Variants in EXOC4 observed in about 807,000 individuals in gnomAD.
EXOC4 encodes SEC8-like 1.
In EXOC4, 71 loss-of-function variants were observed where a neutral mutation model predicts 107.2. The ratio of observed to expected loss-of-function variants is 0.66; its 90% CI spans 0.55 to 0.81. EXOC4 has a LOEUF of 0.81. EXOC4 is among the 30% of genes least tolerant of loss of function. The pLI is 0.00. For synonymous variants in EXOC4, 456 were observed against 441.2 expected, an observed-to-expected ratio of 1.03 and a Z score of -0.42; for missense variants, 1,108 against 1,189.6, an observed-to-expected ratio of 0.93 and a Z score of 1.01.
At chr7:133,309,713 G>A (rs1283772623) in intron 4 of EXOC4, among the ~76,000 whole-genome samples, 1 of 152,222 alleles carries the variant, frequency 6.6e-6, no homozygotes, top group Non-Finnish European at 1.5e-5. Context: ...GCCGAGGTGG[G>A]AGGATCATTT....
At chr7:133,887,834 T>C (rs1157962425) in intron 11 of EXOC4, among the ~76,000 whole-genome samples, 5 of 152,208 alleles carry the variant, frequency 3.3e-5, no homozygotes, top group Non-Finnish European at 5.9e-5. Context: ...TCCTGTGTTC[T>C]GAATCAGGAT....
chr7:133,931,626 TTA>T (rs1800177612), intron 13 of EXOC4, among the ~76,000 whole-genome samples: 1 of 152,192 alleles, frequency 6.6e-6, no homozygotes. Context: ...CTCATACACG[TTA>T]TATAGAGCTG....
intron 14 of EXOC4, among the ~76,000 whole-genome samples, chr7:133,991,786 T>C (rs939175182): frequency 2.0e-5 from 3 of 152,168 alleles, no homozygotes; most frequent in Non-Finnish European, 4.4e-5. Context: ...ATTTCTGGGT[T>C]CTCTATTCTG....
At chr7:134,031,309 A>G (rs1054376295) in intron 17 of EXOC4, among the ~76,000 whole-genome samples, 1 of 152,240 alleles carries the variant, frequency 6.6e-6, no homozygotes, top group African/African-American at 2.4e-5. Flanking sequence ...GAAGAAGAAA[A>G]TAAGAGCAAA....
intron 9 of EXOC4, among the ~76,000 whole-genome samples, chr7:133,617,744 C>T (rs1802228935): frequency 6.6e-6 from 1 of 152,092 alleles, no homozygotes; most frequent in Admixed American, 6.6e-5. Context: ...TTGACACAGG[C>T]TGAGGGGAGA....
intron 17 of EXOC4, among the ~76,000 whole-genome samples, chr7:134,050,495 T>G (rs1227554873): frequency 6.9e-6 from 1 of 144,378 alleles, no homozygotes; most frequent in Non-Finnish European, 1.5e-5. Context: ...AGAGTTTTTT[T>G]TTAAAAAAGA....
chr7:133,878,784 C>G (rs113546677), intron 11 of EXOC4, among the ~76,000 whole-genome samples: 1 of 151,948 alleles, frequency 6.6e-6, no homozygotes, highest in Non-Finnish European at 1.5e-5. Flanking sequence ...AGTGCAGTGG[C>G]GCGATCTTGG....
chr7:133,274,851 C>A, intron 1 of EXOC4, 131 bp from the exon 2 acceptor site: 1 of 718,530 alleles, frequency 1.4e-6, no homozygotes, highest in Non-Finnish European at 2.1e-6. Context: ...CTGTTTGTAA[C>A]TTATTTCATT....
chr7:133,679,538 G>GTCCATCCA (rs200481678), intron 10 of EXOC4, among the ~76,000 whole-genome samples: 43,609 of 142,760 alleles, frequency 0.31, 6,941 homozygotes, highest in Middle Eastern at 0.35. Context: ...CCATCCGTCC[G>GTCCATCCA]TCCGTCCATC....
At chr7:133,604,706 C>CCTTCTTTTTTTTTTTT (rs1191856891) in intron 9 of EXOC4, among the ~76,000 whole-genome samples, 1 of 87,556 alleles carries the variant, frequency 1.1e-5, no homozygotes, top group African/African-American at 4.4e-5. Context: ...TTCCTTCCTT[C>CCTTCTTTTTTTTTTTT]TTTCTTTTTT....
At chr7:133,319,838 C>CTT (rs35274622) in intron 5 of EXOC4, among the ~76,000 whole-genome samples, 1,345 of 94,576 alleles carry the variant, frequency 0.014, 23 homozygotes, top group African/African-American at 0.035. Flanking sequence ...TGATCGTGTG[C>CTT]TTTTTTTTTT....
At chr7:133,501,840 C>T (rs1023030883) in intron 9 of EXOC4, among the ~76,000 whole-genome samples, 1 of 152,154 alleles carries the variant, frequency 6.6e-6, no homozygotes, top group African/African-American at 2.4e-5. Flanking sequence ...AGTATTAATG[C>T]AATCATCTAG....
intron 11 of EXOC4, among the ~76,000 whole-genome samples, chr7:133,876,795 T>G (rs993984930): frequency 1.3e-5 from 2 of 152,090 alleles, no homozygotes; most frequent in African/African-American, 4.8e-5. Flanking sequence ...CTTTCAAATC[T>G]CATTTCTTTC....
chr7:133,765,323 A>G (rs1337147354), intron 10 of EXOC4, among the ~76,000 whole-genome samples: 2 of 152,070 alleles, frequency 1.3e-5, no homozygotes, highest in Non-Finnish European at 2.9e-5. Context: ...CTGGTTTAGA[A>G]TAACATGTAT....
At chr7:133,636,134 C>G (rs1802704151) in intron 10 of EXOC4, among the ~76,000 whole-genome samples, 1 of 151,998 alleles carries the variant, frequency 6.6e-6, no homozygotes, top group Non-Finnish European at 1.5e-5. Flanking sequence ...CCTTTGTTTC[C>G]CTTATCTGTA....
intron 2 of EXOC4, among the ~76,000 whole-genome samples, chr7:133,282,897 GA>G (rs777770770): frequency 7.9e-5 from 12 of 152,142 alleles, no homozygotes; most frequent in Non-Finnish European, 1.5e-4. Context: ...TTGTCTAACT[GA>G]AGTATTGTAT....
intron 10 of EXOC4, among the ~76,000 whole-genome samples, chr7:133,791,073 T>G (rs1796693859): frequency 6.6e-6 from 1 of 152,172 alleles, no homozygotes; most frequent in East Asian, 1.9e-4. Flanking sequence ...CCATTTTTAT[T>G]ACAGCTGGAT....
At chr7:133,648,539 C>T (rs17167199) in intron 10 of EXOC4, among the ~76,000 whole-genome samples, 64,534 of 151,910 alleles carry the variant, frequency 0.42, 14,654 homozygotes, top group Admixed American at 0.56. Context: ...CCCCAATGTA[C>T]GATATATTCC....
intron 4 of EXOC4, among the ~76,000 whole-genome samples, chr7:133,306,966 CAT>C (rs1361771913): frequency 6.6e-6 from 1 of 152,072 alleles, no homozygotes; most frequent in Non-Finnish European, 1.5e-5. Context: ...GAATTTTTAA[CAT>C]ATGTTAGATA....
Sources: gnomAD v4.1 joint callset for allele counts (sites outside exome capture counted in the v4.1 genomes callset) on GRCh38, gnomAD v4.1.1 for gene constraint, MANE v1.5 for transcripts, NCBI Gene and HGNC (gene_info 2026-07-23, HGNC 2026-07-21) for gene names.